The following COL11A2 variants were observed in gnomAD, a reference collection of about 807,000 sequenced individuals.
COL11A2 encodes collagen alpha-2(XI) chain.
COL11A2 carries 116 observed loss-of-function variants against 273.4 expected under a neutral mutation model. That is an observed-to-expected ratio of 0.42 (90% confidence interval 0.36 to 0.49). The LOEUF (loss-of-function observed/expected upper bound fraction) is 0.49. COL11A2 is among the 20% of genes least tolerant of loss of function. COL11A2 has a pLI of 0.00. For missense variants in COL11A2, 1,866 were observed against 2,309.0 expected (o/e 0.81, Z 3.93); for synonymous variants, 782 against 864.2 (o/e 0.90, Z 1.67).
At chr6:33,180,918 G>A (rs2150587309) in intron 10 of COL11A2, 46 bp downstream of exon 10, 1 of 1,609,914 alleles carries the variant, frequency 6.2e-7, no homozygotes. Context: ...GCACATAGAA[G>A]GGGTTTCTAA....
chr6:33,186,967 A>C, intron 4 of COL11A2, 149 bp from the exon 5 acceptor site: 1 of 1,032,408 alleles, frequency 9.7e-7, no homozygotes. Flanking sequence ...AGCCCTTTTC[A>C]GTTTTCAAGG....
intron 6 of COL11A2, 48 bp downstream of exon 6, chr6:33,185,653 G>T: frequency 2.2e-6 from 2 of 891,754 alleles, no homozygotes; most frequent in South Asian, 2.5e-5. Flanking sequence ...GATGATTGCT[G>T]GGGGTGCTGG....
Position 33,166,710 on chromosome 6 carries a change from C to A in COL11A2, c.4338+10G>T. ...CCCCCACAACTTCCGGGACCATGCCCTCTACTCACCATCTCACCCTTCTGC... is the reference window on the plus strand; with the variant it reads ...CCCCCACAACTTCCGGGACCATGCCATCTACTCACCATCTCACCCTTCTGC... On this transcript the variant is annotated intron_variant, in intron 59 of 65. Transcript: ENST00000341947. This position sits in a 1 kb window ranked among gnomAD's most constrained non-coding sequence, Gnocchi z 4.8. The A allele has an allele frequency of 6.2e-7, 1 of 1,613,898 alleles. No individual in the cohort carries two copies. Among genetic ancestry groups the A allele is most frequent in the African/African-American group, 1.3e-5 (1 of 75,038 alleles).
rs554207689 is a variant in COL11A2, at chr6:33,166,022, G to A, written c.4429-38C>T. ...AAATCAGGTCATGGAGGGGTCAAGA[G>A]GTCAAGCATGGATCAAGGTCACAGA... On this transcript the variant is annotated intron_variant, in intron 61 of 65. Coordinates refer to ENST00000341947, the MANE Select transcript of COL11A2 (RefSeq NM_080680.3). This position sits in a 1 kb window ranked among gnomAD's most constrained non-coding sequence, Gnocchi z 4.8. 2.7e-5 allele frequency: 43 copies of A among 1,613,490 alleles called. No individual in the cohort carries two copies. In the East Asian group the frequency reaches 8.9e-4, roughly 33 times the overall value.
In COL11A2 at chr6:33,169,321, T is replaced by C; in HGVS notation, c.3798+62A>G. ...CAAGATCCTCCCTCACACACACCCATATTCCCAGGTCTGTCATTCACAGGG... is the reference window on the plus strand; with the variant it reads ...CAAGATCCTCCCTCACACACACCCACATTCCCAGGTCTGTCATTCACAGGG... On this transcript the variant is annotated intron_variant, in intron 51 of 65. Transcript: ENST00000341947. This position sits in a 1 kb window ranked among gnomAD's most constrained non-coding sequence, Gnocchi z 5.5. 4 of 1,443,664 alleles carry C rather than the reference T, an allele frequency of 2.8e-6. No individual in the cohort carries two copies. The highest frequency in any genetic ancestry group is 3.9e-6 in the Non-Finnish European group (4 of 1,035,332). 89.4% of individuals were successfully genotyped at this position (1,443,664 alleles called of 1,614,324 possible). A position where few individuals can be genotyped will look rare whatever the true frequency, so the allele number is the denominator to read the frequency against.
In COL11A2 at chr6:33,165,726, C is replaced by T. The variant is rs903180840; in HGVS notation, c.4573G>A (p.Asp1525Asn). 1 of 1,611,530 alleles carries T rather than the reference C, an allele frequency of 6.2e-7. No homozygotes were observed. The highest frequency in any genetic ancestry group is 1.1e-5 in the South Asian group (1 of 91,080). Residue 1525 changes from aspartate to asparagine, a missense_variant, in exon 63 of 66, where the codon GAT becomes AAT. Coordinates refer to ENST00000341947, the MANE Select transcript of COL11A2 (RefSeq NM_080680.3). The surrounding 1 kb of genome is among the most constrained non-coding windows in gnomAD (Gnocchi z 7.7). The stretch of plus-strand genomic sequence containing the variant: ...GCTCCCCCGGTCGGTATGGCCTCAT[C>T]TTCCTGCATCAGACGGCTTCCATCC... Reference protein sequence around the residue: ...SVDGSRLMQEDEAIPTGGAPG... With the variant: ...SVDGSRLMQENEAIPTGGAPG...
Position 33,173,725 on chromosome 6 carries a change from G to A in COL11A2, c.2604C>T (p.Gly868=), listed in dbSNP as rs748164619. Residue 868 remains glycine, a synonymous_variant, in exon 35 of 66, where the codon GGC becomes GGT. Coordinates refer to ENST00000341947, the MANE Select transcript of COL11A2 (RefSeq NM_080680.3). The surrounding 1 kb of genome is among the most constrained non-coding windows in gnomAD (Gnocchi z 6.3). ...CCCTCTCTCCAGGGGGCCCATGGGG[G>A]CCATCACCACCAGATGTTCCCTGTG... The part of the protein sequence containing the change: ...SGAKGTSGGD[G]PHGPPGERGL... 57 of 1,580,474 alleles carry A rather than the reference G, an allele frequency of 3.6e-5. No homozygotes were observed. The highest frequency in any genetic ancestry group is 2.2e-5 in the East Asian group (1 of 44,490).
At chr6:33,175,511 C>G in intron 30 of COL11A2, 63 bp downstream of exon 30, 5 of 1,410,402 alleles carry the variant, frequency 3.5e-6, no homozygotes, top group Non-Finnish European at 5.0e-6. Flanking sequence ...GGCACCCATG[C>G]CCATCCTGAC....
rs772868314 is a variant in COL11A2 at position 33,177,089 on chromosome 6, T to C, written c.2017-44A>G. 6.2e-7 allele frequency: 1 copy of C among 1,612,706 alleles called. No individual in the cohort carries two copies. Among genetic ancestry groups the C allele is most frequent in the Admixed American group, 1.7e-5 (1 of 59,998 alleles). On this transcript the variant is annotated intron_variant, in intron 24 of 65. Coordinates refer to ENST00000341947, the MANE Select transcript of COL11A2 (RefSeq NM_080680.3). The surrounding 1 kb of genome is among the most constrained non-coding windows in gnomAD (Gnocchi z 5.9). ...GCTCAGGGTCACTAGAGGGGTCATG[T>C]CTGGACACAGACAAAATCCCAGCAG...
At position 33,169,010 on chromosome 6, in the gene COL11A2, T is replaced by C; in HGVS notation, c.3799-2A>G. The C allele has an allele frequency of 6.2e-7, 1 of 1,604,152 alleles. No homozygotes were observed. Among genetic ancestry groups the C allele is most frequent in the South Asian group, 1.1e-5 (1 of 90,008 alleles). On this transcript the variant is annotated splice_acceptor_variant, in intron 51 of 65. Transcript: ENST00000341947. LOFTEE classifies it high-confidence loss of function. The surrounding 1 kb of genome is among the most constrained non-coding windows in gnomAD (Gnocchi z 5.5). The stretch of plus-strand genomic sequence containing the variant: ...GTCACCAGGAAAACCAACAGGACCC[T>C]GATCCAGATGGAGAATAAGAGTCAG...
chr6:33,178,046 AGAGG>A lies in COL11A2; in HGVS notation c.1872+82_1872+85del. The A allele has an allele frequency of 7.4e-7, 1 of 1,344,444 alleles. No individual in the cohort carries two copies. Among genetic ancestry groups the A allele is most frequent in the South Asian group, 1.3e-5 (1 of 77,042 alleles). The allele number at this position is 1,344,444 out of a possible 1,614,324, so 83.3% of individuals were successfully genotyped here. ...GGAATGGGAAGCATGCCGAGAGAGG[AGAGG>A]GAGCAGGAAGGCAGCTAGAAAGGTG... On this transcript the variant is annotated intron_variant, in intron 21 of 65. Transcript: ENST00000341947. The surrounding 1 kb of genome is among the most constrained non-coding windows in gnomAD (Gnocchi z 4.6).
rs746604769 is a variant in COL11A2 at position 33,164,408 on chromosome 6, G to C, written c.4929C>G (p.Leu1643=). The part of the protein sequence containing the change: ...GVVQLTFLRL[L]SVSAHQDVSY... ...AGACGTCCTGGTGGGCTGAGACGCT[G>C]AGCAGCCGCAGGAAGGTGAGCTGGA... The change falls in exon 65 of 66, where the codon CTC becomes CTG. Residue 1643 remains leucine, a synonymous_variant. Coordinates refer to ENST00000341947, the MANE Select transcript of COL11A2 (RefSeq NM_080680.3). This position sits in a 1 kb window ranked among gnomAD's most constrained non-coding sequence, Gnocchi z 4.7. The C allele has an allele frequency of 1.2e-6, 2 of 1,601,412 alleles. No homozygotes were observed. The highest frequency in any genetic ancestry group is 4.5e-5 in the East Asian group (2 of 44,368).
chr6:33,163,692 A>G lies in COL11A2; in HGVS notation c.5197T>C (p.Cys1733Arg), dbSNP rs758598370. 1 of 1,613,024 alleles carries G rather than the reference A, an allele frequency of 6.2e-7. No individual in the cohort carries two copies. Among genetic ancestry groups the G allele is most frequent in the Non-Finnish European group, 8.5e-7 (1 of 1,180,000 alleles). Residue 1733 changes from cysteine (C) to arginine (R), a missense_variant, in exon 66 of 66, where the codon TGC becomes CGC. Coordinates refer to ENST00000341947, the MANE Select transcript of COL11A2 (RefSeq NM_080680.3). This position sits in a 1 kb window ranked among gnomAD's most constrained non-coding sequence, Gnocchi z 4.1. ...CAGAGACGGTCCTATCCCATGAAGCAGACAGGCCCCAGCAGCACCCCTCCC... is the reference window on the plus strand; with the variant it reads ...CAGAGACGGTCCTATCCCATGAAGCGGACAGGCCCCAGCAGCACCCCTCCC... ...RRGGVLLGPV[C>R]FMG
At chr6:33,182,960 G>A (rs551152737) in intron 8 of COL11A2, among the ~76,000 whole-genome samples, 46 of 152,176 alleles carry the variant, frequency 3.0e-4, no homozygotes, top group Admixed American at 1.6e-3. Flanking sequence ...GCAATGATCC[G>A]TTTCAAAATT....
Position 33,186,441 on chromosome 6 carries a change from C to A in COL11A2, c.798+186G>T, listed in dbSNP as rs985126611. On this transcript the variant is annotated intron_variant, in intron 5 of 65. Transcript: ENST00000341947. ...GAGCAGGGAACACAGCTCCCAGCCA[C>A]AAATTCTTCATAACAACTCTTTTTA... 7 of 1,443,052 alleles carry A rather than the reference C, an allele frequency of 4.9e-6. No individual in the cohort carries two copies. In the Admixed American group the frequency reaches 1.9e-4, roughly 40 times the overall value. 89.4% of individuals were successfully genotyped at this position (1,443,052 alleles called of 1,614,324 possible). A position where few individuals can be genotyped will look rare whatever the true frequency, so the allele number is the denominator to read the frequency against.
Position 33,169,477 on chromosome 6 carries a change from T to C in COL11A2, c.3704A>G (p.Glu1235Gly). The C allele has an allele frequency of 1.9e-6, 3 of 1,612,794 alleles. No individual in the cohort carries two copies. The highest frequency in any genetic ancestry group is 2.5e-6 in the Non-Finnish European group (3 of 1,179,956). ...CCCCGACTCTCCTTTCTCTCCACGT[T>C]CCCCGCGTGGACCCTGCAGAACAAG... Reference protein sequence around the residue: ...GEPGVKGPRGERGEKGESGQP... With the variant: ...GEPGVKGPRGGRGEKGESGQP... Residue 1235 changes from glutamate (E) to glycine (G), a missense_variant, in exon 51 of 66, where the codon GAA (glutamate) becomes GGA (glycine). Physicochemically the swap from Glu to Gly is moderately conservative, Grantham distance 98. Transcript: ENST00000341947. The surrounding 1 kb of genome is among the most constrained non-coding windows in gnomAD (Gnocchi z 5.5).
chr6:33,165,905 G>A lies in COL11A2; in HGVS notation c.4482+26C>T. The stretch of plus-strand genomic sequence containing the variant: ...CAGTGGAGCAGAGGGGTACGGCCCT[G>A]GGAGCAGCCCTGACTCCTCACTCAC... On this transcript the variant is annotated intron_variant, in intron 62 of 65. Coordinates refer to ENST00000341947, the MANE Select transcript of COL11A2 (RefSeq NM_080680.3). The surrounding 1 kb of genome is among the most constrained non-coding windows in gnomAD (Gnocchi z 7.7). 1.2e-6 allele frequency: 2 copies of A among 1,613,780 alleles called. No individual in the cohort carries two copies. The highest frequency in any genetic ancestry group is 1.7e-6 in the Non-Finnish European group (2 of 1,179,982).
In COL11A2 at chr6:33,181,175, A is replaced by G. The variant is rs536398385; in HGVS notation, c.1120-5T>C. 6.2e-7 allele frequency: 1 copy of G among 1,614,136 alleles called. No individual in the cohort carries two copies. The highest frequency in any genetic ancestry group is 1.3e-5 in the African/African-American group (1 of 75,010). On this transcript the variant is annotated splice_polypyrimidine_tract_variant and splice_region_variant and intron_variant, in intron 8 of 65. Transcript: ENST00000341947. ...CCCTCGGGGTCCATGGGCAGCCTGA[A>G]GGAGACACACATGTAGCCCCCAGTG...
chr6:33,185,016 C>G lies in COL11A2; in HGVS notation c.915G>C (p.Ser305=), dbSNP rs1314885007. 3 of 1,551,142 alleles carry G rather than the reference C, an allele frequency of 1.9e-6. No homozygotes were observed. The highest frequency in any genetic ancestry group is 2.0e-5 in the Admixed American group (1 of 50,984). The change falls in exon 7 of 66, where the codon TCG becomes TCC. Residue 305 remains serine (S), a synonymous_variant. Coordinates refer to ENST00000341947, the MANE Select transcript of COL11A2 (RefSeq NM_080680.3). The stretch of plus-strand genomic sequence containing the variant: ...CCTCCTCAAGGGGTGGCAAGAGGCT[C>G]GACTCCAGGATTTCTTCCTCTTCAC... ...TPGEEEEILE[S]SLLPPLEEEQ...
Sources: allele counts gnomAD v4.1 joint callset (sites outside exome capture counted in the v4.1 genomes callset), GRCh38; gene constraint gnomAD v4.1.1; non-coding constraint Gnocchi (gnomAD v3.1); transcripts MANE v1.5; gene names NCBI Gene and HGNC (gene_info 2026-07-23, HGNC 2026-07-21).